ABL2: variants seen among roughly 807,000 people sequenced by gnomAD.
ABL2 encodes tyrosine-protein kinase ABL2.
ABL2 carries 49 observed loss-of-function variants against 107.7 expected under a neutral mutation model. The ratio of observed to expected loss-of-function variants is 0.45; its 90% CI spans 0.36 to 0.58. The LOEUF (loss-of-function observed/expected upper bound fraction) is 0.58. Ranked by LOEUF, ABL2 falls within the 20% of genes least tolerant of loss-of-function variation. The probability of loss-of-function intolerance (pLI) is 0.00; values close to 1 mark genes in which losing one functional copy is unlikely to be tolerated. For synonymous variants in ABL2, 549 were observed against 548.6 expected, an observed-to-expected ratio of 1.00 and a Z score of -0.01; for missense variants, 1,245 against 1,457.0, an observed-to-expected ratio of 0.85 and a Z score of 2.37.
Position 179,133,249 on chromosome 1 carries a change from C to T in ABL2, c.220+63G>A, listed in dbSNP as rs373298928. 14 of 1,604,240 alleles carry T rather than the reference C, an allele frequency of 8.7e-6. No individual in the cohort carries two copies. In the South Asian group the frequency reaches 1.0e-4, roughly 12 times the overall value. On this transcript the variant is annotated intron_variant, in intron 2 of 11. Transcript: ENST00000502732. Reference sequence around the variant, plus strand: ...GTTCCATTTATTTTCAAATCCATTCCCTGTTCTCCATCTCTACTGCCAATG... The same window carrying T: ...GTTCCATTTATTTTCAAATCCATTCTCTGTTCTCCATCTCTACTGCCAATG...
intron 1 of ABL2, among the ~76,000 whole-genome samples, chr1:179,220,127 C>A (rs566454587): frequency 6.6e-6 from 1 of 152,326 alleles, no homozygotes; most frequent in East Asian, 1.9e-4. Flanking sequence ...GACTTGGAGA[C>A]AAAACTATCA....
At chr1:179,218,014 G>C (rs1011827154) in intron 1 of ABL2, among the ~76,000 whole-genome samples, 6 of 152,024 alleles carry the variant, frequency 3.9e-5, no homozygotes, top group African/African-American at 1.4e-4. Context: ...GAGCAACGAG[G>C]GTTTTATGAG....
intron 1 of ABL2, among the ~76,000 whole-genome samples, chr1:179,213,478 T>G (rs1662400181): frequency 6.6e-6 from 1 of 152,176 alleles, no homozygotes; most frequent in East Asian, 1.9e-4. Context: ...CTATTTATTT[T>G]TAAATACAGA....
At position 179,131,306 on chromosome 1, in the gene ABL2, C is replaced by T. The variant is rs201037051; in HGVS notation, c.391+5G>A. The T allele has an allele frequency of 3.8e-5, 61 of 1,612,120 alleles. No individual in the cohort carries two copies. In the African/African-American group the frequency reaches 5.7e-4, roughly 15 times the overall value. On this transcript the variant is annotated splice_donor_5th_base_variant and intron_variant, in intron 3 of 11. Transcript: ENST00000502732. ...AAGTGAAAGGATGCTACATAGAAGC[C>T]TCACCTTTAGTGATGCTGAGTGTGT...
chr1:179,150,667 T>C (rs1309344391), intron 1 of ABL2, among the ~76,000 whole-genome samples: 5 of 152,206 alleles, frequency 3.3e-5, no homozygotes, highest in Admixed American at 2.6e-4. Context: ...ACAAAGAATT[T>C]GGACTATTAC....
At position 179,103,334 on chromosome 1, in the gene ABL2, G is replaced by A. The variant is rs1653255210; in HGVS notation, c.*4384C>T. ...TCTACATTTTCAGGTACCCCACAGG[G>A]TCCATCCACATTGAATCAACTGTCT... On this transcript the variant is annotated 3_prime_UTR_variant, in exon 12 of 12. Transcript: ENST00000502732. The A allele has an allele frequency of 9.7e-6, 2 of 205,910 alleles. No homozygotes were observed. The highest frequency in any genetic ancestry group is 2.0e-5 in the Non-Finnish European group (2 of 101,054). 12.8% of individuals were successfully genotyped at this position (205,910 alleles called of 1,614,324 possible).
At chr1:179,128,995 T>C (rs993980217) in intron 3 of ABL2, among the ~76,000 whole-genome samples, 1 of 147,462 alleles carries the variant, frequency 6.8e-6, no homozygotes, top group South Asian at 2.1e-4. Flanking sequence ...GGTAGAACTT[T>C]AAAAAAAAAA....
At position 179,104,103 on chromosome 1, in the gene ABL2, G is replaced by A. The variant is rs1272649935; in HGVS notation, c.*3615C>T. ...ATTCTGCTGTGCATCCCTAGACTAG[G>A]TGTTAATAATAGTAGTAGTAGAACA... On this transcript the variant is annotated 3_prime_UTR_variant, in exon 12 of 12. Transcript: ENST00000502732. The A allele has an allele frequency of 1.7e-5, 4 of 232,430 alleles. No individual in the cohort carries two copies. The highest frequency in any genetic ancestry group is 8.8e-5 in the African/African-American group (4 of 45,286). The allele number at this position is 232,430 out of a possible 1,614,324, so 14.4% of individuals were successfully genotyped here.
intron 1 of ABL2, among the ~76,000 whole-genome samples, chr1:179,185,815 T>A (rs933176856): frequency 6.6e-6 from 1 of 152,164 alleles, no homozygotes; most frequent in African/African-American, 2.4e-5. Flanking sequence ...ATAAAGTTAC[T>A]CCTGTAATAC....
intron 1 of ABL2, among the ~76,000 whole-genome samples, chr1:179,220,014 G>A (rs1279644823): frequency 1.3e-5 from 2 of 152,204 alleles, no homozygotes. Flanking sequence ...ACAACCTGTT[G>A]TGAGGGATAA....
chr1:179,183,047 C>T (rs903137138), intron 1 of ABL2, among the ~76,000 whole-genome samples: 1 of 152,080 alleles, frequency 6.6e-6, no homozygotes, highest in African/African-American at 2.4e-5. Context: ...CAGTGTCTCA[C>T]TCTGTCACCC....
At chr1:179,227,589 T>A (rs1289211335) in intron 1 of ABL2, among the ~76,000 whole-genome samples, 1 of 152,338 alleles carries the variant, frequency 6.6e-6, no homozygotes, top group Non-Finnish European at 1.5e-5. Flanking sequence ...GTTTAATGCA[T>A]AGTAACACTT....
At chr1:179,201,483 A>G (rs1482856278) in intron 1 of ABL2, 1 of 232,122 alleles carries the variant, frequency 4.3e-6, no homozygotes, top group Non-Finnish European at 8.5e-6. Context: ...ATTTAAAGAT[A>G]GTAATCCAAG....
intron 1 of ABL2, among the ~76,000 whole-genome samples, chr1:179,205,930 T>C (rs1405707782): frequency 2.6e-5 from 4 of 152,224 alleles, no homozygotes; most frequent in Non-Finnish European, 5.9e-5. Flanking sequence ...ACAGGCTAAG[T>C]ACTTTTCTAA....
chr1:179,229,130 C>T, intron 1 of ABL2, 111 bp downstream of exon 1: 1 of 1,340,372 alleles, frequency 7.5e-7, no homozygotes, highest in Non-Finnish European at 1.0e-6. Flanking sequence ...CCCCCACTCT[C>T]AGGCACCTTC....
chr1:179,220,504 T>C (rs1251106790), intron 1 of ABL2, among the ~76,000 whole-genome samples: 1 of 152,192 alleles, frequency 6.6e-6, no homozygotes, highest in East Asian at 1.9e-4. Flanking sequence ...GATGGTCACT[T>C]TGTCAGGAAA....
At chr1:179,199,222 T>C (rs1489998767) in intron 1 of ABL2, among the ~76,000 whole-genome samples, 5 of 152,190 alleles carry the variant, frequency 3.3e-5, no homozygotes, top group African/African-American at 1.2e-4. Flanking sequence ...TGAAACCTAC[T>C]AACACACAGG....
chr1:179,134,875 G>A (rs564132832), intron 1 of ABL2, among the ~76,000 whole-genome samples: 15 of 152,358 alleles, frequency 9.8e-5, no homozygotes, highest in East Asian at 9.6e-4. Flanking sequence ...GAGTGCAGGC[G>A]CGCACCGCCA....
rs1392355254 is a variant in ABL2 at position 179,104,417 on chromosome 1, C to T, written c.*3301G>A. ...AGTCAGCATGCTTTATTACCTGGGA[C>T]ATATTTTACTAGCCAATTTTCAGTT... On this transcript the variant is annotated 3_prime_UTR_variant, in exon 12 of 12. Transcript: ENST00000502732. The T allele has an allele frequency of 4.6e-6, 1 of 218,220 alleles. No homozygotes were observed. Among genetic ancestry groups the T allele is most frequent in the African/African-American group, 2.2e-5 (1 of 44,536 alleles). The allele number at this position is 218,220 out of a possible 1,614,324, so 13.5% of individuals were successfully genotyped here. A position where few individuals can be genotyped will look rare whatever the true frequency, so the allele number is the denominator to read the frequency against.
Sources: gnomAD v4.1 joint callset for allele counts (sites outside exome capture counted in the v4.1 genomes callset) on GRCh38, gnomAD v4.1.1 for gene constraint, MANE v1.5 for transcripts, NCBI Gene and HGNC (gene_info 2026-07-23, HGNC 2026-07-21) for gene names.